CP: variants seen among roughly 807,000 people sequenced by gnomAD.
The protein encoded by CP is caeruloplasmin.
A neutral mutation model predicts 122.4 loss-of-function variants in CP; 64 were observed. The observed-to-expected ratio is 0.52, with a 90% confidence interval of 0.43 to 0.64. The LOEUF (loss-of-function observed/expected upper bound fraction) is 0.64. Among genes scored for constraint, CP ranks in the 30% least tolerant of loss-of-function variants. The pLI, the probability that CP is intolerant of heterozygous loss-of-function variation, is 0.00. For synonymous variants in CP, 440 were observed against 436.4 expected (o/e 1.01, Z -0.10); for missense variants, 1,167 against 1,284.4 (o/e 0.91, Z 1.40).
At chr3:149,166,791 A>G (rs934176133) in intron 4 of CP, among the ~76,000 whole-genome samples, 1 of 152,218 alleles carries the variant, frequency 6.6e-6, no homozygotes, top group Non-Finnish European at 1.5e-5. Context: ...CACAAAGCAA[A>G]TAAAATCATG....
intron 14 of CP, chr3:149,180,206 G>A (rs1211670848): frequency 6.2e-6 from 1 of 161,378 alleles, no homozygotes; most frequent in African/African-American, 2.4e-5. Flanking sequence ...TTGATCTCAT[G>A]AGTCACCGAC....
intron 9 of CP, among the ~76,000 whole-genome samples, chr3:149,197,565 T>C (rs1467388187): frequency 6.6e-6 from 1 of 151,728 alleles, no homozygotes; most frequent in South Asian, 2.1e-4. Context: ...CTACTAGTTA[T>C]AGGAAATAAA....
rs1250117082 is a variant in CP at position 149,186,521 on chromosome 3, C to G, written c.2076G>C (p.Glu692Asp). ...AGACTTGGCTTTAAGTAAATATACCCTCTGTGTCAGGCCACATGTGGAGCG... is the reference window on the plus strand; with the variant it reads ...AGACTTGGCTTTAAGTAAATATACCGTCTGTGTCAGGCCACATGTGGAGCG... ...SLTLHMWPDTEGTFNVECLTT... is the reference protein window; with the variant it reads ...SLTLHMWPDTDGTFNVECLTT... Residue 692 changes from glutamate (E) to aspartate (D), a missense_variant and splice_region_variant, in exon 11 of 19, where the codon GAG (glutamate) becomes GAC (aspartate). Glu to Asp is a conservative substitution (Grantham distance 45, BLOSUM62 2). Around this residue, in one of 2 missense-constraint regions of CP, gnomAD observed 525 missense variants for 657.2 expected, o/e 0.80. Coordinates refer to ENST00000264613, the MANE Select transcript of CP (RefSeq NM_000096.4). 1.2e-6 allele frequency: 2 copies of G among 1,614,092 alleles called. No homozygotes were observed. Among genetic ancestry groups the G allele is most frequent in the Non-Finnish European group, 1.7e-6 (2 of 1,179,940 alleles).
intron 9 of CP, among the ~76,000 whole-genome samples, chr3:149,191,116 C>A (rs1304280696): frequency 6.6e-6 from 1 of 152,158 alleles, no homozygotes; most frequent in Admixed American, 6.5e-5. Flanking sequence ...GACATTCTGG[C>A]ATTAGCTCTT....
chr3:149,221,108 C>A (rs1442646848), intron 1 of CP, among the ~76,000 whole-genome samples: 1 of 152,130 alleles, frequency 6.6e-6, no homozygotes, highest in Non-Finnish European at 1.5e-5. Flanking sequence ...CTTTAAATAA[C>A]CCTATGAGCT....
intron 9 of CP, among the ~76,000 whole-genome samples, chr3:149,193,514 C>CT (rs1340715563): frequency 6.6e-6 from 1 of 151,890 alleles, no homozygotes; most frequent in Non-Finnish European, 1.5e-5. Flanking sequence ...ATTGTGATCC[C>CT]TTTTTTGTGT....
At chr3:149,214,605 A>G (rs1219025910) in intron 1 of CP, among the ~76,000 whole-genome samples, 1 of 152,092 alleles carries the variant, frequency 6.6e-6, no homozygotes, top group Non-Finnish European at 1.5e-5. Context: ...CTGTGAGTAT[A>G]CCCTCATTTT....
intron 1 of CP, among the ~76,000 whole-genome samples, chr3:149,216,217 G>A (rs1003925056): frequency 3.3e-5 from 5 of 152,154 alleles, no homozygotes; most frequent in Non-Finnish European, 5.9e-5. Flanking sequence ...GTCTGGCATG[G>A]TGTGGCTGGG....
Position 149,188,052 on chromosome 3 carries a change from A to T in CP, c.1864T>A (p.Ser622Thr). The change falls in exon 10 of 19, where the codon TCC (serine) becomes ACC (threonine). Residue 622 changes from serine to threonine, a missense_variant and splice_region_variant. Physicochemically the swap from Ser to Thr is moderately conservative, Grantham distance 58. Transcript: ENST00000264613. ...EDFQESNKMHSMNGFMYGNQP... is the reference protein window; with the variant it reads ...EDFQESNKMHTMNGFMYGNQP... ...GATTGGTGGATGATGCAGTACTTAC[A>T]GTGCATTTTATTAGATTCCTGAAAG... is the stretch of plus-strand genomic sequence containing the variant. The T allele has an allele frequency of 6.2e-7, 1 of 1,611,692 alleles. No individual in the cohort carries two copies.
At chr3:149,189,171 A>G (rs36098024) in intron 9 of CP, among the ~76,000 whole-genome samples, 1,951 of 152,304 alleles carry the variant, frequency 0.013, 18 homozygotes, top group Non-Finnish European at 0.02. Flanking sequence ...GAGGATTCAG[A>G]TTCAAAAGCT....
chr3:149,163,801 G>T, intron 5 of CP: 2 of 1,077,588 alleles, frequency 1.9e-6, no homozygotes, highest in Non-Finnish European at 1.4e-6. Context: ...GCAAGCTTTT[G>T]TTGTTATATT....
At position 149,203,527 on chromosome 3, in the gene CP, G is replaced by T. The variant is rs568571081; in HGVS notation, c.1209-1286C>A. ...GATCCACCCGCTTTGGCCTCCCAAA[G>T]TGCTGGGATTACAGGCATGAGCCAC... On this transcript the variant is annotated intron_variant, in intron 6 of 18. Transcript: ENST00000264613. Among the ~76,000 whole-genome samples, 3 of 152,336 alleles carry T rather than the reference G, an allele frequency of 2.0e-5. No homozygotes were observed. In the South Asian group the frequency reaches 6.2e-4, roughly 32 times the overall value.
At chr3:149,180,241 C>G (rs1392468947) in intron 14 of CP, 3 of 159,294 alleles carry the variant, frequency 1.9e-5, no homozygotes, top group Non-Finnish European at 4.2e-5. Context: ...TTTACCTCCC[C>G]CTCCAGTCCA....
At chr3:149,169,383 A>G (rs1459823498), downstream of CP, among the ~76,000 whole-genome samples, 1 of 152,210 alleles carries the variant, frequency 6.6e-6, no homozygotes, top group Non-Finnish European at 1.5e-5. Context: ...ATGTCGTGAG[A>G]CTAAATGAGA....
chr3:149,219,775 G>A (rs1441203463), intron 1 of CP, among the ~76,000 whole-genome samples: 1 of 152,160 alleles, frequency 6.6e-6, no homozygotes, highest in Non-Finnish European at 1.5e-5. Flanking sequence ...AGCAGGCAGA[G>A]GCTGGAATAG....
intron 9 of CP, among the ~76,000 whole-genome samples, chr3:149,189,683 G>GT (rs1165262740): frequency 6.6e-6 from 1 of 151,980 alleles, no homozygotes. Context: ...ATACAAAAAT[G>GT]TAACACCAGG....
chr3:149,179,852 C>T, intron 14 of CP, 190 bp from the exon 15 acceptor site: 1 of 558,538 alleles, frequency 1.8e-6, no homozygotes, highest in South Asian at 2.1e-5. Context: ...TTAAGATGAA[C>T]TGGAAGACAA....
At chr3:149,188,031 G>C in intron 10 of CP, 21 bp downstream of exon 10, 1 of 1,610,844 alleles carries the variant, frequency 6.2e-7, no homozygotes, top group South Asian at 1.1e-5. Flanking sequence ...TTGGTAGATT[G>C]GTGGATGATG....
intron 14 of CP, 32 bp downstream of exon 14, chr3:149,181,973 T>TGCGGG: frequency 1.5e-6 from 2 of 1,375,574 alleles, no homozygotes; most frequent in Non-Finnish European, 2.1e-6. Flanking sequence ...CCTGTTAAAA[T>TGCGGG]GCACCACCCC....
Sources: allele counts gnomAD v4.1 joint callset (sites outside exome capture counted in the v4.1 genomes callset), GRCh38; gene constraint gnomAD v4.1.1; regional missense constraint gnomAD v4.1.1; transcripts MANE v1.5; gene names NCBI Gene and HGNC (gene_info 2026-07-23, HGNC 2026-07-21).